BMPR1B: variants seen among roughly 807,000 people sequenced by gnomAD.
The protein encoded by BMPR1B is bone morphogenetic protein receptor type 1B.
A neutral mutation model predicts 59.1 loss-of-function variants in BMPR1B; 12 were observed. The observed-to-expected ratio is 0.20, with a 90% CI of 0.13 to 0.33. The LOEUF is 0.33. BMPR1B is among the 10% of genes least tolerant of loss of function. The pLI is 1.00. For missense variants in BMPR1B, 550 were observed against 610.9 expected, an observed-to-expected ratio of 0.90 and a Z score of 1.05; for synonymous variants, 237 against 207.3, an observed-to-expected ratio of 1.14 and a Z score of -1.23.
intron 3 of BMPR1B, among the ~76,000 whole-genome samples, chr4:95,080,897 T>C (rs894513425): frequency 2.0e-5 from 3 of 152,186 alleles, no homozygotes; most frequent in African/African-American, 7.2e-5. Flanking sequence ...AAAGTGTGTA[T>C]AATAAAATTT....
At chr4:94,832,604 A>G (rs1724643890) in intron 1 of BMPR1B, among the ~76,000 whole-genome samples, 2 of 151,852 alleles carry the variant, frequency 1.3e-5, no homozygotes, top group Admixed American at 6.6e-5. Flanking sequence ...CAAACATGGT[A>G]AAACACCGTC....
At chr4:94,870,576 GAA>G (rs1726449041) in intron 1 of BMPR1B, among the ~76,000 whole-genome samples, 1 of 152,162 alleles carries the variant, frequency 6.6e-6, no homozygotes, top group Admixed American at 6.6e-5. Context: ...ATGCCTTAGA[GAA>G]TGGAGAATTG....
In BMPR1B at chr4:95,123,919, C is replaced by T; in HGVS notation, c.446+13C>T. 1 of 1,566,616 alleles carries T rather than the reference C, an allele frequency of 6.4e-7. No homozygotes were observed. Among genetic ancestry groups the T allele is most frequent in the South Asian group, 1.1e-5 (1 of 89,910 alleles). On this transcript the variant is annotated intron_variant, in intron 7 of 12. Transcript: ENST00000515059. ...TTTGTTACTTCCGGTAAGTTTCTAA[C>T]ATGTAGATGCAAAATTTTTAATTTA...
intron 1 of BMPR1B, among the ~76,000 whole-genome samples, chr4:94,785,398 TCAGGG>T (rs1360171644): frequency 6.6e-6 from 1 of 152,208 alleles, no homozygotes; most frequent in Non-Finnish European, 1.5e-5. Flanking sequence ...CTGCTAGTCG[TCAGGG>T]AGCTGACAAT....
In BMPR1B at chr4:94,940,081, A is replaced by G. The variant is rs550426871; in HGVS notation, c.-112-55959A>G. Among the ~76,000 whole-genome samples the G allele has an allele frequency of 1.2e-4, 19 of 152,342 alleles. No individual in the cohort carries two copies. In the South Asian group the frequency reaches 3.1e-3, roughly 25 times the overall value. The stretch of plus-strand genomic sequence containing the variant: ...CATTTGGGAGGTATTATTATATTGT[A>G]AAAAATAAACATTTGTGAATTAATA... On this transcript the variant is annotated intron_variant, in intron 2 of 12. Coordinates refer to ENST00000515059, the MANE Select transcript of BMPR1B (RefSeq NM_001203.3).
intron 3 of BMPR1B, among the ~76,000 whole-genome samples, chr4:94,999,044 G>A (rs1482558442): frequency 1.3e-5 from 2 of 152,086 alleles, no homozygotes; most frequent in Non-Finnish European, 2.9e-5. Context: ...AATGGAGAAA[G>A]TCCTGCTGGT....
intron 1 of BMPR1B, among the ~76,000 whole-genome samples, chr4:94,770,712 G>T: frequency 6.6e-6 from 1 of 151,294 alleles, no homozygotes; most frequent in African/African-American, 2.4e-5. Flanking sequence ...TTTTTTCACT[G>T]TCTTTGTTTC....
At chr4:94,777,703 A>AT (rs1722429677) in intron 1 of BMPR1B, among the ~76,000 whole-genome samples, 3 of 152,128 alleles carry the variant, frequency 2.0e-5, no homozygotes, top group African/African-American at 7.2e-5. Flanking sequence ...AGGTTGTCTG[A>AT]TTCCTGCTCT....
intron 1 of BMPR1B, among the ~76,000 whole-genome samples, chr4:94,867,745 A>G (rs916358914): frequency 3.9e-5 from 6 of 152,234 alleles, no homozygotes; most frequent in Non-Finnish European, 7.3e-5. Context: ...GGGAAAACAT[A>G]AGTTTTCATA....
intron 4 of BMPR1B, among the ~76,000 whole-genome samples, chr4:95,107,490 C>T (rs760359353): frequency 6.6e-6 from 1 of 151,908 alleles, no homozygotes; most frequent in Non-Finnish European, 1.5e-5. Flanking sequence ...AATGGAATCC[C>T]TCAAAAGAAC....
chr4:95,092,724 T>G (rs950272212), intron 3 of BMPR1B, among the ~76,000 whole-genome samples: 4 of 152,048 alleles, frequency 2.6e-5, no homozygotes, highest in African/African-American at 9.7e-5. Flanking sequence ...GGTTTTTTCT[T>G]TGGGGAAAAA....
intron 11 of BMPR1B, among the ~76,000 whole-genome samples, chr4:95,150,480 G>A (rs1490777500): frequency 4.0e-5 from 6 of 150,728 alleles, no homozygotes; most frequent in Non-Finnish European, 7.4e-5. Flanking sequence ...ACAAGTAGAC[G>A]AGCCTTTTAA....
chr4:94,885,030 T>G (rs1727117530), intron 2 of BMPR1B, among the ~76,000 whole-genome samples: 1 of 152,160 alleles, frequency 6.6e-6, no homozygotes, highest in Non-Finnish European at 1.5e-5. Flanking sequence ...CCAAGTCATT[T>G]TACTTGAGTC....
chr4:95,147,379 G>T (rs1192536803), intron 10 of BMPR1B, among the ~76,000 whole-genome samples: 2 of 152,122 alleles, frequency 1.3e-5, no homozygotes, highest in Non-Finnish European at 2.9e-5. Context: ...TTGTAGAAGT[G>T]GTCAAGGCAA....
At chr4:95,000,537 GAGAA>G (rs923506540) in intron 3 of BMPR1B, among the ~76,000 whole-genome samples, 18 of 151,828 alleles carry the variant, frequency 1.2e-4, no homozygotes, top group Admixed American at 4.6e-4. Flanking sequence ...GAGAGAAAGA[GAGAA>G]AGAAAGAAGT....
chr4:94,975,481 G>A (rs1348208003), intron 2 of BMPR1B, among the ~76,000 whole-genome samples: 1 of 143,358 alleles, frequency 7.0e-6, no homozygotes, highest in Non-Finnish European at 1.5e-5. Flanking sequence ...TCCCACCTCA[G>A]CCTCCCAAAT....
intron 3 of BMPR1B, among the ~76,000 whole-genome samples, chr4:95,075,113 A>G (rs1199509813): frequency 6.6e-6 from 1 of 152,162 alleles, no homozygotes; most frequent in African/African-American, 2.4e-5. Flanking sequence ...TTAAGATTAA[A>G]TGTGTCTTTC....
At chr4:94,919,810 C>A (rs943990759) in intron 2 of BMPR1B, among the ~76,000 whole-genome samples, 1 of 151,934 alleles carries the variant, frequency 6.6e-6, no homozygotes, top group African/African-American at 2.4e-5. Context: ...AATGTTATAC[C>A]CAAGATGATG....
At chr4:95,042,077 C>CG (rs1221183789) in intron 3 of BMPR1B, among the ~76,000 whole-genome samples, 1 of 152,028 alleles carries the variant, frequency 6.6e-6, no homozygotes, top group Admixed American at 6.6e-5. Flanking sequence ...AGGATGGTCT[C>CG]GATCTCCTGA....
Sources: gnomAD v4.1 joint callset for allele counts (sites outside exome capture counted in the v4.1 genomes callset) on GRCh38, gnomAD v4.1.1 for gene constraint, MANE v1.5 for transcripts, NCBI Gene and HGNC (gene_info 2026-07-23, HGNC 2026-07-21) for gene names.